CLVS1: variants seen among roughly 807,000 people sequenced by gnomAD.
The protein encoded by CLVS1 is clavesin-1.
CLVS1 carries 10 observed loss-of-function variants against 33.1 expected under a neutral mutation model. The ratio of observed to expected loss-of-function variants is 0.30; its 90% confidence interval spans 0.19 to 0.51. The LOEUF is 0.51. Among genes scored for constraint, CLVS1 ranks in the 20% least tolerant of loss-of-function variants. The pLI, the probability that CLVS1 is intolerant of heterozygous loss-of-function variation, is 0.97. For missense variants in CLVS1, 343 were observed against 433.4 expected (o/e 0.79, Z 1.85); for synonymous variants, 163 against 166.1 (o/e 0.98, Z 0.14).
chr8:61,112,845 A>T (rs1467323111), intron 1 of CLVS1, among the ~76,000 whole-genome samples: 1 of 152,184 alleles, frequency 6.6e-6, no homozygotes, highest in African/African-American at 2.4e-5. Context: ...AATCTGTAAA[A>T]GATTGGAACA....
At chr8:61,355,420 T>A (rs1324710555) in intron 2 of CLVS1, among the ~76,000 whole-genome samples, 3 of 152,172 alleles carry the variant, frequency 2.0e-5, no homozygotes, top group Non-Finnish European at 4.4e-5. Context: ...TTCTTTTTTT[T>A]ATTATTATTA....
At chr8:60,983,141 C>T in the CLVS1 span, among the ~76,000 whole-genome samples, 4 of 152,080 alleles carry the variant, frequency 2.6e-5, no homozygotes, top group Admixed American at 6.5e-5. Flanking sequence ...AAACATCGTA[C>T]AGTCTATGAG....
intron 1 of CLVS1, among the ~76,000 whole-genome samples, chr8:61,062,912 G>T (rs1804606494): frequency 6.6e-6 from 1 of 152,140 alleles, no homozygotes; most frequent in Non-Finnish European, 1.5e-5. Context: ...GTTATTATGT[G>T]ATTGCTATGC....
At chr8:60,986,921 A>G in the CLVS1 span, among the ~76,000 whole-genome samples, 1 of 152,208 alleles carries the variant, frequency 6.6e-6, no homozygotes, top group South Asian at 2.1e-4. Flanking sequence ...TTGAGACTAG[A>G]AAGGCTTATG....
the CLVS1 span, among the ~76,000 whole-genome samples, chr8:60,987,569 AT>A: frequency 6.6e-6 from 1 of 152,226 alleles, no homozygotes; most frequent in Non-Finnish European, 1.5e-5. Flanking sequence ...ATTTAAAAAA[AT>A]AAATGATATC....
intron 1 of CLVS1, among the ~76,000 whole-genome samples, chr8:61,074,360 G>GTATATATATATGTTA (rs71245549): frequency 0.062 from 5,736 of 92,294 alleles, 422 homozygotes; most frequent in African/African-American, 0.12. Context: ...GTGTGTGTGT[G>GTATATATATATGTTA]TATATATATA....
At chr8:61,053,598 T>G (rs1051629693), upstream of CLVS1, among the ~76,000 whole-genome samples, 1 of 152,232 alleles carries the variant, frequency 6.6e-6, no homozygotes, top group African/African-American at 2.4e-5. Context: ...GAGATGAGCA[T>G]GTGGCCCAGG....
intron 1 of CLVS1, among the ~76,000 whole-genome samples, chr8:61,067,844 T>C (rs926049110): frequency 1.3e-5 from 2 of 151,320 alleles, no homozygotes; most frequent in Non-Finnish European, 2.9e-5. Context: ...AAAGTGGGGG[T>C]CAAGGGCTGT....
At chr8:61,233,944 G>T (rs538942197) in intron 2 of CLVS1, among the ~76,000 whole-genome samples, 2 of 152,136 alleles carry the variant, frequency 1.3e-5, no homozygotes, top group African/African-American at 4.8e-5. Flanking sequence ...TTGGAGACTC[G>T]CTCTCTCTCT....
At chr8:61,032,996 A>AAGGAAGGAAGGAAG in the CLVS1 span, among the ~76,000 whole-genome samples, 1 of 51,510 alleles carries the variant, frequency 1.9e-5, no homozygotes, top group East Asian at 9.8e-4. Context: ...AAGGAAGGAA[A>AAGGAAGGAAGGAAG]GAAAGAAAGA....
intron 2 of CLVS1, among the ~76,000 whole-genome samples, chr8:61,138,503 T>G (rs1806234540): frequency 6.6e-6 from 1 of 152,196 alleles, no homozygotes; most frequent in African/African-American, 2.4e-5. Context: ...AGGCACTGTT[T>G]TAAGCGTTTC....
chr8:61,251,769 T>C (rs1808954215), intron 2 of CLVS1, among the ~76,000 whole-genome samples: 1 of 152,192 alleles, frequency 6.6e-6, no homozygotes. Context: ...ATCCCCTATA[T>C]AATTTTTTAT....
chr8:61,006,432 C>A, the CLVS1 span, among the ~76,000 whole-genome samples: 1 of 152,070 alleles, frequency 6.6e-6, no homozygotes, highest in Non-Finnish European at 1.5e-5. Flanking sequence ...TCAGATGGCC[C>A]GAGGAGGAGG....
intron 3 of CLVS1, among the ~76,000 whole-genome samples, chr8:61,406,590 G>A (rs1475807880): frequency 6.6e-6 from 1 of 151,806 alleles, no homozygotes; most frequent in African/African-American, 2.4e-5. Flanking sequence ...ATGATTCCAG[G>A]AGGTTTGACA....
intron 2 of CLVS1, among the ~76,000 whole-genome samples, chr8:61,255,329 C>A (rs180882608): frequency 6.6e-6 from 1 of 152,234 alleles, no homozygotes; most frequent in East Asian, 1.9e-4. Flanking sequence ...AATTCTGGTA[C>A]CTTCACATTA....
At chr8:61,246,511 T>A (rs543953369) in intron 2 of CLVS1, among the ~76,000 whole-genome samples, 22 of 152,272 alleles carry the variant, frequency 1.4e-4, no homozygotes, top group Non-Finnish European at 2.8e-4. Context: ...ATTTTAGTTC[T>A]ACGTGTAAAA....
intron 3 of CLVS1, among the ~76,000 whole-genome samples, chr8:61,413,719 G>T (rs376441142): frequency 6.6e-6 from 1 of 152,174 alleles, no homozygotes; most frequent in African/African-American, 2.4e-5. Context: ...GATGGACTGG[G>T]GGCTCAGGTG....
At chr8:61,122,767 C>A (rs1805901168) in intron 1 of CLVS1, among the ~76,000 whole-genome samples, 1 of 152,084 alleles carries the variant, frequency 6.6e-6, no homozygotes, top group Non-Finnish European at 1.5e-5. Context: ...TGGATAATAC[C>A]AAAAGACCAA....
chr8:61,496,402 CTGTT>C (rs1229239108), intron 5 of CLVS1, among the ~76,000 whole-genome samples: 1 of 152,118 alleles, frequency 6.6e-6, no homozygotes, highest in East Asian at 1.9e-4. Context: ...TTCATGCTTG[CTGTT>C]TGTTTTAATG....
Sources: gnomAD v4.1 joint callset for allele counts (sites outside exome capture counted in the v4.1 genomes callset) on GRCh38, gnomAD v4.1.1 for gene constraint, MANE v1.5 for transcripts, NCBI Gene and HGNC (gene_info 2026-07-23, HGNC 2026-07-21) for gene names.